Variants in INSYN2B observed in about 807,000 individuals in gnomAD.
INSYN2B encodes the protein inhibitory synaptic factor family member 2B.
INSYN2B carries 16 observed loss-of-function variants against 41.2 expected under a neutral mutation model. That is an observed-to-expected ratio of 0.39 (90% CI 0.26 to 0.59). The LOEUF is 0.59. Ranked by LOEUF, INSYN2B falls within the 20% of genes least tolerant of loss-of-function variation. INSYN2B has a pLI of 0.57. For missense variants in INSYN2B, 608 were observed against 646.4 expected (o/e 0.94, Z 0.64); for synonymous variants, 245 against 244.4 (o/e 1.00, Z -0.02).
At chr5:169,888,355 C>A (rs1773093819) in intron 1 of INSYN2B, among the ~76,000 whole-genome samples, 1 of 152,230 alleles carries the variant, frequency 6.6e-6, no homozygotes, top group Non-Finnish European at 1.5e-5. Flanking sequence ...TCGTTCCCCA[C>A]AGGTGGTCAC....
chr5:169,966,476 G>A (rs987697827), intron 1 of INSYN2B, among the ~76,000 whole-genome samples: 1 of 152,184 alleles, frequency 6.6e-6, no homozygotes, highest in Non-Finnish European at 1.5e-5. Flanking sequence ...CTTAGGGAAT[G>A]TAATCACATT....
intron 1 of INSYN2B, among the ~76,000 whole-genome samples, chr5:169,901,336 A>G (rs1022370448): frequency 6.6e-6 from 1 of 152,146 alleles, no homozygotes; most frequent in South Asian, 2.1e-4. Context: ...GTTAGGCAGG[A>G]GTGATGATAT....
At chr5:169,889,928 T>C (rs1398007644) in intron 1 of INSYN2B, among the ~76,000 whole-genome samples, 4 of 152,248 alleles carry the variant, frequency 2.6e-5, no homozygotes, top group African/African-American at 7.2e-5. Flanking sequence ...TGCTGACACA[T>C]TGCCGTGTCC....
intron 1 of INSYN2B, among the ~76,000 whole-genome samples, chr5:169,900,282 C>T (rs1009646084): frequency 3.9e-5 from 6 of 152,172 alleles, no homozygotes; most frequent in African/African-American, 1.4e-4. Context: ...CCTGTTGTCC[C>T]CTGATGGAGG....
intron 1 of INSYN2B, among the ~76,000 whole-genome samples, chr5:169,948,098 G>A (rs62386597): frequency 1.2e-4 from 18 of 151,518 alleles, no homozygotes; most frequent in Non-Finnish European, 2.2e-4. Context: ...GCCACCATTC[G>A]GTACACACCC....
At chr5:169,941,621 A>G (rs555100040) in intron 1 of INSYN2B, among the ~76,000 whole-genome samples, 23 of 152,314 alleles carry the variant, frequency 1.5e-4, no homozygotes, top group African/African-American at 5.3e-4. Context: ...AGGAATCTGG[A>G]CTTGATTAAA....
chr5:169,947,023 A>T (rs543836389), intron 1 of INSYN2B, among the ~76,000 whole-genome samples: 1 of 152,300 alleles, frequency 6.6e-6, no homozygotes, highest in East Asian at 1.9e-4. Flanking sequence ...CCCATGCTGG[A>T]GTGAGTTTAC....
At chr5:169,895,512 G>A (rs556802798) in intron 1 of INSYN2B, among the ~76,000 whole-genome samples, 16 of 152,158 alleles carry the variant, frequency 1.1e-4, no homozygotes, top group Middle Eastern at 3.4e-3. Flanking sequence ...AAAGCAGCCA[G>A]CAGCCAGCAT....
At chr5:169,941,049 T>G (rs4867900) in intron 1 of INSYN2B, among the ~76,000 whole-genome samples, 59,850 of 151,960 alleles carry the variant, frequency 0.39, 11,988 homozygotes, top group South Asian at 0.52. Flanking sequence ...TGTGCTTCAG[T>G]GGGGTAGGCA....
chr5:169,977,046 C>T (rs979715196), intron 1 of INSYN2B, among the ~76,000 whole-genome samples: 3 of 152,244 alleles, frequency 2.0e-5, no homozygotes. Flanking sequence ...AAGACAGACA[C>T]ACCTTCTTAA....
chr5:169,915,616 G>A (rs867448741), intron 1 of INSYN2B, among the ~76,000 whole-genome samples: 5 of 151,760 alleles, frequency 3.3e-5, no homozygotes, highest in Middle Eastern at 3.4e-3. Context: ...GGAGGGAGGG[G>A]AGAGAGAGAG....
chr5:169,870,673 A>G (rs772345102), intron 3 of INSYN2B, among the ~76,000 whole-genome samples: 12 of 152,112 alleles, frequency 7.9e-5, no homozygotes, highest in Non-Finnish European at 1.5e-4. Context: ...TACACATGTA[A>G]ACATGTGCCA....
intron 1 of INSYN2B, among the ~76,000 whole-genome samples, chr5:169,915,275 T>TTAC (rs1388284397): frequency 2.6e-5 from 4 of 152,198 alleles, no homozygotes; most frequent in Non-Finnish European, 4.4e-5. Flanking sequence ...ATGCTAATTA[T>TTAC]TACCAGTTTT....
chr5:169,968,010 A>G (rs959921174), intron 1 of INSYN2B, among the ~76,000 whole-genome samples: 1 of 152,212 alleles, frequency 6.6e-6, no homozygotes, highest in African/African-American at 2.4e-5. Context: ...TGACATGTTA[A>G]TATGAGCTGC....
chr5:169,885,816 C>T (rs1772937927), intron 1 of INSYN2B, among the ~76,000 whole-genome samples: 1 of 152,214 alleles, frequency 6.6e-6, no homozygotes, highest in East Asian at 1.9e-4. Context: ...GGTTAAGTAA[C>T]TTGCCTAAAC....
At chr5:169,866,393 T>A (rs182185714) in intron 3 of INSYN2B, among the ~76,000 whole-genome samples, 30 of 152,334 alleles carry the variant, frequency 2.0e-4, no homozygotes, top group Non-Finnish European at 3.2e-4. Flanking sequence ...ATTTCCCACT[T>A]CCAGGCTATG....
intron 1 of INSYN2B, among the ~76,000 whole-genome samples, chr5:169,916,149 C>A (rs935193275): frequency 2.0e-5 from 3 of 152,146 alleles, no homozygotes; most frequent in African/African-American, 7.2e-5. Flanking sequence ...TTTACTCTAC[C>A]GGGCAGAAGC....
intron 3 of INSYN2B, among the ~76,000 whole-genome samples, chr5:169,868,884 C>A (rs1771765470): frequency 6.6e-6 from 1 of 152,136 alleles, no homozygotes; most frequent in Non-Finnish European, 1.5e-5. Flanking sequence ...TGAAGCCCAG[C>A]CCAACATAGA....
chr5:169,927,950 T>C (rs914097802), intron 1 of INSYN2B, among the ~76,000 whole-genome samples: 2 of 152,164 alleles, frequency 1.3e-5, no homozygotes, highest in African/African-American at 4.8e-5. Flanking sequence ...GATGATGAGA[T>C]GGTATAACCA....
Sources: allele counts gnomAD v4.1 joint callset (sites outside exome capture counted in the v4.1 genomes callset), GRCh38; gene constraint gnomAD v4.1.1; transcripts MANE v1.5; gene names NCBI Gene and HGNC (gene_info 2026-07-23, HGNC 2026-07-21).